The following PCDH7 variants were observed in gnomAD, a reference collection of about 807,000 sequenced individuals.
The protein encoded by PCDH7 is protocadherin-7.
Under a neutral mutation model 58.9 loss-of-function variants are expected in PCDH7, and 17 were observed. The ratio of observed to expected loss-of-function variants is 0.29; its 90% CI spans 0.20 to 0.43. The LOEUF (loss-of-function observed/expected upper bound fraction) is 0.43. Among genes scored for constraint, PCDH7 ranks in the 20% least tolerant of loss-of-function variants. PCDH7 has a pLI of 1.00. For synonymous variants in PCDH7, 664 were observed against 616.4 expected (o/e 1.08, Z -1.14); for missense variants, 1,274 against 1,441.0 (o/e 0.88, Z 1.88).
intron 1 of PCDH7, among the ~76,000 whole-genome samples, chr4:30,832,287 C>G (rs948890799): frequency 2.6e-5 from 4 of 152,180 alleles, no homozygotes; most frequent in African/African-American, 9.7e-5. Flanking sequence ...GGAATGGTGC[C>G]TAATTTTTAG....
intron 3 of PCDH7, among the ~76,000 whole-genome samples, chr4:31,111,322 T>TCC (rs1560234486): frequency 8.9e-6 from 1 of 112,938 alleles, no homozygotes; most frequent in African/African-American, 3.0e-5. Context: ...TTTTTTTTTT[T>TCC]CCTGAGGCGG....
At chr4:30,824,121 T>TTC (rs1233962847) in intron 1 of PCDH7, among the ~76,000 whole-genome samples, 21 of 146,296 alleles carry the variant, frequency 1.4e-4, no homozygotes, top group Non-Finnish European at 2.4e-4. Context: ...CTTTCTTTCT[T>TTC]TCTTTCTTTC....
At chr4:30,894,787 C>T (rs889878493) in intron 1 of PCDH7, among the ~76,000 whole-genome samples, 9 of 150,324 alleles carry the variant, frequency 6.0e-5, no homozygotes, top group South Asian at 2.1e-4. Context: ...CCTGATTTTA[C>T]GTTGTGGCTT....
At chr4:30,796,012 C>T (rs1724727785) in intron 1 of PCDH7, among the ~76,000 whole-genome samples, 1 of 151,886 alleles carries the variant, frequency 6.6e-6, no homozygotes, top group South Asian at 2.1e-4. Flanking sequence ...AGTTCATATT[C>T]TCATCTCCAT....
At chr4:30,941,384 T>C (rs905618277) in intron 2 of PCDH7, among the ~76,000 whole-genome samples, 1 of 151,938 alleles carries the variant, frequency 6.6e-6, no homozygotes, top group African/African-American at 2.4e-5. Context: ...AAACTCAAAA[T>C]GGTTTTGTAT....
At chr4:30,851,437 C>A (rs542557530) in intron 1 of PCDH7, among the ~76,000 whole-genome samples, 1 of 151,702 alleles carries the variant, frequency 6.6e-6, no homozygotes, top group Non-Finnish European at 1.5e-5. Context: ...ATTCTCTGGT[C>A]GAGTATATTC....
At chr4:30,965,163 A>G (rs1748887877) in intron 3 of PCDH7, among the ~76,000 whole-genome samples, 1 of 152,144 alleles carries the variant, frequency 6.6e-6, no homozygotes, top group Admixed American at 6.5e-5. Context: ...ACGGTCTTTA[A>G]GGTATAGTAA....
intron 1 of PCDH7, among the ~76,000 whole-genome samples, chr4:30,854,841 A>G (rs559776901): frequency 2.6e-5 from 4 of 152,016 alleles, no homozygotes; most frequent in Non-Finnish European, 5.9e-5. Context: ...TACATTTCCT[A>G]GGAGTGTTCA....
At chr4:30,937,702 GGA>G (rs1284148035) in intron 2 of PCDH7, among the ~76,000 whole-genome samples, 1 of 151,892 alleles carries the variant, frequency 6.6e-6, no homozygotes, top group African/African-American at 2.4e-5. Flanking sequence ...TTTATGTTCA[GGA>G]GAGGATATGC....
intron 1 of PCDH7, among the ~76,000 whole-genome samples, chr4:30,850,109 A>G (rs2109345578): frequency 6.6e-6 from 1 of 152,220 alleles, no homozygotes; most frequent in East Asian, 1.9e-4. Context: ...GAGACCAGCT[A>G]CTGTCTCTTA....
chr4:31,028,085 C>A (rs1425802247), intron 3 of PCDH7, among the ~76,000 whole-genome samples: 2 of 151,966 alleles, frequency 1.3e-5, no homozygotes, highest in Admixed American at 1.3e-4. Context: ...GAGAAATACT[C>A]TAGAAAGTAT....
rs1007101069 is a variant in PCDH7, at chr4:30,721,653, C to T, written c.231C>T (p.Ile77=). Residue 77 remains isoleucine (I), a synonymous_variant, in exon 1 of 2, where the codon ATC becomes ATT. Transcript: ENST00000361762. This position sits in a 1 kb window ranked among gnomAD's most constrained non-coding sequence, Gnocchi z 6.7. ...AGTCCGGTTCCGAGTACCTGAAGATCGACAACCTCACTGGCGAGCTGAGCA... is the reference window on the plus strand; with the variant it reads ...AGTCCGGTTCCGAGTACCTGAAGATTGACAACCTCACTGGCGAGCTGAGCA... 6.2e-7 allele frequency: 1 copy of T among 1,613,770 alleles called. No homozygotes were observed. The highest frequency in any genetic ancestry group is 8.5e-7 in the Non-Finnish European group (1 of 1,179,996).
chr4:30,779,689 C>T (rs1337725392), intron 1 of PCDH7, among the ~76,000 whole-genome samples: 1 of 152,176 alleles, frequency 6.6e-6, no homozygotes. Context: ...AAATTCAAGT[C>T]TCAATTAATT....
At chr4:30,946,042 T>C (rs567192300) in intron 2 of PCDH7, among the ~76,000 whole-genome samples, 1 of 152,246 alleles carries the variant, frequency 6.6e-6, no homozygotes, top group South Asian at 2.1e-4. Context: ...CTAGACTATC[T>C]ATGGTTGCAG....
At chr4:30,764,196 A>G (rs1435644925) in intron 1 of PCDH7, among the ~76,000 whole-genome samples, 2 of 152,154 alleles carry the variant, frequency 1.3e-5, no homozygotes, top group African/African-American at 4.8e-5. Flanking sequence ...CCTTACCTGG[A>G]TTCGTAAAGT....
intron 3 of PCDH7, among the ~76,000 whole-genome samples, chr4:30,993,403 A>G (rs1218163298): frequency 1.3e-5 from 2 of 152,248 alleles, no homozygotes; most frequent in Non-Finnish European, 2.9e-5. Context: ...TAATGAAACC[A>G]TAATCGAGAC....
chr4:31,097,638 A>ATATATAAATC (rs370034723), intron 3 of PCDH7, among the ~76,000 whole-genome samples: 1 of 79,208 alleles, frequency 1.3e-5, no homozygotes, highest in African/African-American at 5.8e-5. Context: ...ATATATATAT[A>ATATATAAATC]AATCTTTTTT....
At chr4:30,976,182 G>T (rs1288733920) in intron 3 of PCDH7, among the ~76,000 whole-genome samples, 1 of 151,676 alleles carries the variant, frequency 6.6e-6, no homozygotes, top group Non-Finnish European at 1.5e-5. Flanking sequence ...ACAGAGTTTC[G>T]CTCTTGTTGC....
At chr4:30,955,875 G>A (rs79509607) in intron 3 of PCDH7, among the ~76,000 whole-genome samples, 5,519 of 151,670 alleles carry the variant, frequency 0.036, 311 homozygotes, top group African/African-American at 0.12. Flanking sequence ...GACCTCATAA[G>A]ATAGCAAGTT....
Sources: allele counts gnomAD v4.1 joint callset (sites outside exome capture counted in the v4.1 genomes callset), GRCh38; gene constraint gnomAD v4.1.1; non-coding constraint Gnocchi (gnomAD v3.1); transcripts MANE v1.5; gene names NCBI Gene and HGNC (gene_info 2026-07-23, HGNC 2026-07-21).